Variants in ZNF197 observed in about 807,000 individuals in gnomAD.
ZNF197 encodes the protein VHL-associated KRAB-A domain-containing protein.
In ZNF197, 14 loss-of-function variants were observed where a neutral mutation model predicts 27.4. The ratio of observed to expected loss-of-function variants is 0.51; its 90% confidence interval spans 0.34 to 0.80. The LOEUF (loss-of-function observed/expected upper bound fraction) is 0.80, where lower values mean the gene tolerates loss of function less well. Among genes scored for constraint, ZNF197 ranks in the 30% least tolerant of loss-of-function variants. The pLI, the probability that ZNF197 is intolerant of heterozygous loss-of-function variation, is 0.02. For synonymous variants in ZNF197, 415 were observed against 420.0 expected (o/e 0.99, Z 0.15); for missense variants, 1,090 against 1,222.6 (o/e 0.89, Z 1.62).
Position 44,646,353 on chromosome 3 carries a change from A to AT in ZNF197, c.*2136dup, listed in dbSNP as rs1240135620. On this transcript the variant is annotated 3_prime_UTR_variant, in exon 6 of 6. Transcript: ENST00000344387. Reference sequence around the variant, plus strand: ...TACTTTAACAATGGAGAATGCTGTGATTTACCTCTTCACCGAGTAACAAAA... The same window carrying AT: ...TACTTTAACAATGGAGAATGCTGTGATTTTACCTCTTCACCGAGTAACAAAA... The AT allele has an allele frequency of 1.5e-5, 23 of 1,517,710 alleles. No homozygotes were observed. The highest frequency in any genetic ancestry group is 2.0e-5 in the Non-Finnish European group (23 of 1,133,868). The allele number at this position is 1,517,710 out of a possible 1,614,324, so 94.0% of individuals were successfully genotyped here.
rs1220919037 is a variant in ZNF197, at chr3:44,641,790, G to A, written c.770-110G>A. 4.0e-6 allele frequency: 5 copies of A among 1,243,436 alleles called. No homozygotes were observed. In the East Asian group the frequency reaches 7.8e-5, roughly 19 times the overall value. 77.0% of individuals were successfully genotyped at this position (1,243,436 alleles called of 1,614,324 possible). The stretch of plus-strand genomic sequence containing the variant: ...CTTTAATGAAAAGTTTCTCCTTTTT[G>A]TATGCATATTAAAGTGTGCCTTCCT... On this transcript the variant is annotated intron_variant, in intron 5 of 5. Transcript: ENST00000344387.
chr3:44,641,776 A>C, intron 5 of ZNF197, 124 bp from the exon 6 acceptor site: 5 of 1,135,204 alleles, frequency 4.4e-6, no homozygotes, highest in South Asian at 3.6e-5. Context: ...TTTAATGAAA[A>C]GTTTCTCCTT....
In ZNF197 at chr3:44,629,102, G is replaced by A; in HGVS notation, c.-53G>A. 1 of 1,541,502 alleles carries A rather than the reference G, an allele frequency of 6.5e-7. No homozygotes were observed. Reference sequence around the variant, plus strand: ...ATACTCTCCAAGCTGTAAGGAAGAAGTCAAGGATTAAGGAGACCTGGACTG... The same window carrying A: ...ATACTCTCCAAGCTGTAAGGAAGAAATCAAGGATTAAGGAGACCTGGACTG... On this transcript the variant is annotated 5_prime_UTR_variant, in exon 2 of 6. Coordinates refer to ENST00000344387, the MANE Select transcript of ZNF197 (RefSeq NM_006991.5).
rs59185582 is a variant in ZNF197 at position 44,636,703 on chromosome 3, T to C, written c.769+4104T>C. On this transcript the variant is annotated intron_variant, in intron 5 of 5. Transcript: ENST00000344387. ...TTGTGTATAATTTTTTGTGTGGATATATGTTTTCATTTCTACCTAGAAGTA... is the reference window on the plus strand; with the variant it reads ...TTGTGTATAATTTTTTGTGTGGATACATGTTTTCATTTCTACCTAGAAGTA... Among the ~76,000 whole-genome samples, 1,263 of 152,354 alleles carry C rather than the reference T, an allele frequency of 8.3e-3. 4 individuals are homozygous for C. The highest frequency in any genetic ancestry group is 0.017 in the African/African-American group (722 of 41,580).
At position 44,644,250 on chromosome 3, in the gene ZNF197, G is replaced by T; in HGVS notation, c.*30G>T. 2 of 1,545,422 alleles carry T rather than the reference G, an allele frequency of 1.3e-6. No homozygotes were observed. Among genetic ancestry groups the T allele is most frequent in the South Asian group, 2.5e-5 (2 of 78,514 alleles). On this transcript the variant is annotated 3_prime_UTR_variant, in exon 6 of 6. Transcript: ENST00000344387. ...ATATGTAAAATGGAATAGAATCCCT[G>T]CCTACTTAAGTAACTGTTGGACAAA...
intron 5 of ZNF197, among the ~76,000 whole-genome samples, chr3:44,636,025 G>A (rs2125809603): frequency 6.6e-6 from 1 of 152,204 alleles, no homozygotes; most frequent in African/African-American, 2.4e-5. Flanking sequence ...AACATTTTCG[G>A]CCGGCATGGT....
chr3:44,625,216 G>GA (rs1190983715), intron 1 of ZNF197, 73 bp downstream of exon 1: 2 of 152,216 alleles, frequency 1.3e-5, no homozygotes, highest in Non-Finnish European at 2.9e-5. Context: ...GAGCTTGCTG[G>GA]GACTGCACAG....
chr3:44,634,639 G>A (rs1452438968), intron 5 of ZNF197, among the ~76,000 whole-genome samples: 4 of 151,814 alleles, frequency 2.6e-5, no homozygotes, highest in African/African-American at 7.3e-5. Flanking sequence ...TAGTAGAGAC[G>A]GGGTTTCGCC....
intron 5 of ZNF197, among the ~76,000 whole-genome samples, chr3:44,641,555 C>A (rs1270549620): frequency 6.6e-6 from 1 of 152,222 alleles, no homozygotes; most frequent in Non-Finnish European, 1.5e-5. Flanking sequence ...TCCAATGGTT[C>A]TTGCTCTTCT....
At position 44,643,388 on chromosome 3, in the gene ZNF197, G is replaced by A. The variant is rs771444675; in HGVS notation, c.2258G>A (p.Arg753Gln). Reference sequence around the variant, plus strand: ...TACAATTCAAGCCTGCTTGTACATCGGAGAATCCACACCGGAGAAAAACCC... The same window carrying A: ...TACAATTCAAGCCTGCTTGTACATCAGAGAATCCACACCGGAGAAAAACCC... Reference protein sequence around the residue: ...FSYNSSLLVHRRIHTGEKPFE... With the variant: ...FSYNSSLLVHQRIHTGEKPFE... Residue 753 changes from arginine to glutamine, a missense_variant, in exon 6 of 6, where the codon CGG becomes CAG. Transcript: ENST00000344387. The A allele has an allele frequency of 3.0e-5, 49 of 1,614,010 alleles. No homozygotes were observed. The highest frequency in any genetic ancestry group is 6.7e-5 in the East Asian group (3 of 44,890).
chr3:44,634,950 T>C lies in ZNF197; in HGVS notation c.769+2351T>C, dbSNP rs536754061. Among the ~76,000 whole-genome samples the C allele has an allele frequency of 1.5e-4, 23 of 152,192 alleles. No homozygotes were observed. The South Asian group carries it at 2.5e-3, about 16-fold the overall frequency. On this transcript the variant is annotated intron_variant, in intron 5 of 5. Coordinates refer to ENST00000344387, the MANE Select transcript of ZNF197 (RefSeq NM_006991.5). ...AAACCTCCCACCCCAGCCTCCCAAG[T>C]AGCTGAGACTCTAGGCATGCACCAC...
At position 44,646,396 on chromosome 3, in the gene ZNF197, T is replaced by A; in HGVS notation, c.*2176T>A. ...TAACAAAATGTCACATTGCTTAGAT[T>A]GAGACAGCCCACATAATGTGCCACC... On this transcript the variant is annotated 3_prime_UTR_variant, in exon 6 of 6. Coordinates refer to ENST00000344387, the MANE Select transcript of ZNF197 (RefSeq NM_006991.5). 6.3e-7 allele frequency: 1 copy of A among 1,596,340 alleles called. No homozygotes were observed. The highest frequency in any genetic ancestry group is 8.5e-7 in the Non-Finnish European group (1 of 1,171,488).
At chr3:44,634,787 C>T (rs1702194420) in intron 5 of ZNF197, among the ~76,000 whole-genome samples, 1 of 152,154 alleles carries the variant, frequency 6.6e-6, no homozygotes. Context: ...GACATTTAAG[C>T]TTTAATCCAT....
rs757629269 is a variant in ZNF197 at position 44,632,618 on chromosome 3, A to G, written c.769+19A>G. ...TCCCTAGGTAAGGATTCTTCTTTCT[A>G]TGATGCTTACCTTTATTTCACCAGC... On this transcript the variant is annotated intron_variant, in intron 5 of 5. Coordinates refer to ENST00000344387, the MANE Select transcript of ZNF197 (RefSeq NM_006991.5). 33 of 1,506,952 alleles carry G rather than the reference A, an allele frequency of 2.2e-5. No individual in the cohort carries two copies. The highest frequency in any genetic ancestry group is 1.8e-4 in the Middle Eastern group (1 of 5,628). The allele number at this position is 1,506,952 out of a possible 1,614,324, so 93.3% of individuals were successfully genotyped here.
chr3:44,642,148 C>T lies in ZNF197; in HGVS notation c.1018C>T (p.Gln340Ter), dbSNP rs752315111. The T allele has an allele frequency of 6.2e-7, 1 of 1,613,944 alleles. No individual in the cohort carries two copies. Among genetic ancestry groups the T allele is most frequent in the Non-Finnish European group, 8.5e-7 (1 of 1,180,004 alleles). ...DKKKRTPPEK[Q>*]GQKWKELGDS... is the part of the protein sequence containing the mutation. ...GAAGAAAAGGACTCCACCAGAGAAA[C>T]AAGGCCAAAAGTGGAAGGAATTAGG... Residue 340 changes from glutamine to a stop codon, truncating the protein, a stop_gained, in exon 6 of 6, where the codon CAA (glutamine) becomes TAA (stop). Coordinates refer to ENST00000344387, the MANE Select transcript of ZNF197 (RefSeq NM_006991.5). LOFTEE classifies it low-confidence loss of function (END_TRUNC).
chr3:44,644,217 C>A lies in ZNF197; in HGVS notation c.3087C>A (p.Ile1029=). The part of the protein sequence containing the change: ...TNESKIEIQK[I] ...AGTCCAAGATTGAGATTCAGAAAAT[C>A]TAGTGTCATATGTAAAATGGAATAG... The change falls in exon 6 of 6, where the codon ATC becomes ATA. Residue 1029 remains isoleucine, a synonymous_variant. Coordinates refer to ENST00000344387, the MANE Select transcript of ZNF197 (RefSeq NM_006991.5). 6.3e-7 allele frequency: 1 copy of A among 1,584,680 alleles called. No homozygotes were observed. Among genetic ancestry groups the A allele is most frequent in the Non-Finnish European group, 8.6e-7 (1 of 1,168,530 alleles).
Position 44,642,587 on chromosome 3 carries a change from A to C in ZNF197, c.1457A>C (p.Glu486Ala), listed in dbSNP as rs1245381310. Residue 486 changes from glutamate (E) to alanine (A), a missense_variant, in exon 6 of 6, where the codon GAA (glutamate) becomes GCA (alanine). Glu to Ala is a moderately radical substitution (Grantham distance 107). Transcript: ENST00000344387. ...HSGERPYKCNECGKVFSQNAY... is the reference protein window; with the variant it reads ...HSGERPYKCNACGKVFSQNAY... ...GGGGAGAGACCTTATAAGTGTAATG[A>C]ATGTGGGAAAGTCTTCTCTCAGAAT... 4 of 1,614,194 alleles carry C rather than the reference A, an allele frequency of 2.5e-6. No homozygotes were observed. The highest frequency in any genetic ancestry group is 3.4e-6 in the Non-Finnish European group (4 of 1,180,028).
intron 1 of ZNF197, chr3:44,628,871 A>G (rs1258834007): frequency 3.9e-6 from 1 of 254,986 alleles, no homozygotes. Context: ...TGGTTTCAGC[A>G]GTCTCGTGCG....
In ZNF197 at chr3:44,644,855, G is replaced by C. The variant is rs1702865546; in HGVS notation, c.*635G>C. The C allele has an allele frequency of 2.1e-6, 2 of 960,512 alleles. No homozygotes were observed. The highest frequency in any genetic ancestry group is 2.5e-6 in the Non-Finnish European group (2 of 807,350). The allele number at this position is 960,512 out of a possible 1,614,324, so 59.5% of individuals were successfully genotyped here. A position where few individuals can be genotyped will look rare whatever the true frequency, so the allele number is the denominator to read the frequency against. On this transcript the variant is annotated 3_prime_UTR_variant, in exon 6 of 6. Coordinates refer to ENST00000344387, the MANE Select transcript of ZNF197 (RefSeq NM_006991.5). The stretch of plus-strand genomic sequence containing the variant: ...GGTAACACGGGGAGACCCGTCTTTA[G>C]TAAATAAAAATAAATTTATTAATAA...
Sources: gnomAD v4.1 joint callset for allele counts (sites outside exome capture counted in the v4.1 genomes callset) on GRCh38, gnomAD v4.1.1 for gene constraint, MANE v1.5 for transcripts, NCBI Gene and HGNC (gene_info 2026-07-23, HGNC 2026-07-21) for gene names.